CCDC73: variants seen among roughly 807,000 people sequenced by gnomAD.
CCDC73 encodes the protein coiled-coil domain containing 73, also known as coiled-coil domain-containing protein 73.
Under a neutral mutation model 116.5 loss-of-function variants are expected in CCDC73, and 95 were observed. The ratio of observed to expected loss-of-function variants is 0.82; its 90% CI spans 0.69 to 0.97. The LOEUF (loss-of-function observed/expected upper bound fraction) is 0.97, where lower values mean the gene tolerates loss of function less well. Among genes scored for constraint, CCDC73 ranks in the 50% least tolerant of loss-of-function variants. CCDC73 has a pLI of 0.00. For missense variants in CCDC73, 1,066 were observed against 1,206.8 expected, an observed-to-expected ratio of 0.88 and a Z score of 1.73; for synonymous variants, 398 against 401.3, an observed-to-expected ratio of 0.99 and a Z score of 0.10.
intron 2 of CCDC73, among the ~76,000 whole-genome samples, chr11:32,753,230 T>C (rs1440236762): frequency 1.3e-5 from 2 of 152,118 alleles, no homozygotes; most frequent in East Asian, 3.8e-4. Flanking sequence ...AATATAAGAA[T>C]TGTTTCTTAT....
chr11:32,798,716 A>G (rs971491092), upstream of CCDC73, among the ~76,000 whole-genome samples: 3 of 152,256 alleles, frequency 2.0e-5, no homozygotes, highest in African/African-American at 7.2e-5. Context: ...CTAATCAGGC[A>G]TCTAACTCCA....
At chr11:32,679,985 T>C (rs1480977353) in intron 7 of CCDC73, 1 of 152,234 alleles carries the variant, frequency 6.6e-6, no homozygotes, top group African/African-American at 2.4e-5. Flanking sequence ...GACATAATTC[T>C]GATTTTCAAA....
At chr11:32,784,003 G>A (rs972618506) in intron 1 of CCDC73, among the ~76,000 whole-genome samples, 2 of 152,158 alleles carry the variant, frequency 1.3e-5, no homozygotes, top group Non-Finnish European at 2.9e-5. Context: ...GTAACTGAGA[G>A]AAGTCTGGGG....
At chr11:32,732,611 C>T (rs1009446653) in intron 2 of CCDC73, among the ~76,000 whole-genome samples, 1 of 152,238 alleles carries the variant, frequency 6.6e-6, no homozygotes, top group Admixed American at 6.5e-5. Context: ...GGGGGCCAAT[C>T]TTCAACATTC....
chr11:32,805,317 A>G, the CCDC73 span, among the ~76,000 whole-genome samples: 1 of 152,230 alleles, frequency 6.6e-6, no homozygotes, highest in East Asian at 1.9e-4. Context: ...TTCATAAACA[A>G]GTTATACCAT....
At chr11:32,655,785 ACT>A (rs1308571997) in intron 9 of CCDC73, among the ~76,000 whole-genome samples, 2 of 152,188 alleles carry the variant, frequency 1.3e-5, no homozygotes, top group Non-Finnish European at 2.9e-5. Flanking sequence ...TAGAAAAATA[ACT>A]CTGGCAGTGT....
chr11:32,647,964 C>A (rs905377991), intron 12 of CCDC73, among the ~76,000 whole-genome samples: 14 of 152,178 alleles, frequency 9.2e-5, no homozygotes, highest in Admixed American at 4.6e-4. Context: ...AACCAGCCCC[C>A]ACTGGCAAAA....
intron 1 of CCDC73, among the ~76,000 whole-genome samples, chr11:32,788,695 G>C (rs1450038350): frequency 1.3e-5 from 2 of 151,358 alleles, no homozygotes; most frequent in African/African-American, 4.9e-5. Flanking sequence ...GGCTAGTCTG[G>C]GCTCAAGCGG....
At chr11:32,780,403 T>G (rs930459754) in intron 1 of CCDC73, among the ~76,000 whole-genome samples, 2 of 152,218 alleles carry the variant, frequency 1.3e-5, no homozygotes, top group East Asian at 3.9e-4. Context: ...TTCAAATAGT[T>G]CTGGTAGACA....
intron 12 of CCDC73, among the ~76,000 whole-genome samples, chr11:32,648,554 CTTT>C (rs1236494179): frequency 6.9e-6 from 1 of 144,564 alleles, no homozygotes. Context: ...AGTTTATACT[CTTT>C]TTTTTTTTTT....
chr11:32,699,353 CT>C, intron 5 of CCDC73, 28 bp from the exon 6 acceptor site: 1 of 1,513,454 alleles, frequency 6.6e-7, no homozygotes, highest in Non-Finnish European at 8.9e-7. Flanking sequence ...TATTTCAATA[CT>C]TTCCAATGTA....
At chr11:32,731,560 C>T (rs918455450) in intron 2 of CCDC73, among the ~76,000 whole-genome samples, 1 of 152,180 alleles carries the variant, frequency 6.6e-6, no homozygotes, top group African/African-American at 2.4e-5. Context: ...CCCTCTGAGA[C>T]GAAGCTTCCA....
At chr11:32,623,758 G>C (rs1855543853) in intron 14 of CCDC73, among the ~76,000 whole-genome samples, 1 of 152,120 alleles carries the variant, frequency 6.6e-6, no homozygotes. Flanking sequence ...ACTTTACTTA[G>C]GGTATTTGGA....
intron 1 of CCDC73, among the ~76,000 whole-genome samples, chr11:32,786,667 A>G (rs1850632472): frequency 6.6e-6 from 1 of 151,448 alleles, no homozygotes; most frequent in African/African-American, 2.4e-5. Flanking sequence ...ATAAAAATCT[A>G]TATTTTTCAC....
At chr11:32,667,153 A>T (rs1855992045) in intron 9 of CCDC73, among the ~76,000 whole-genome samples, 2 of 152,278 alleles carry the variant, frequency 1.3e-5, no homozygotes, top group African/African-American at 4.8e-5. Context: ...TCAGATCTCA[A>T]ACTCCGTGCT....
chr11:32,610,524 T>G (rs1304252839), intron 17 of CCDC73, among the ~76,000 whole-genome samples: 1 of 152,268 alleles, frequency 6.6e-6, no homozygotes, highest in Admixed American at 6.5e-5. Flanking sequence ...ACCTTTTTCT[T>G]GCTTAAAGTT....
chr11:32,646,028 T>C (rs934342159), intron 12 of CCDC73, among the ~76,000 whole-genome samples: 1 of 152,170 alleles, frequency 6.6e-6, no homozygotes, highest in Non-Finnish European at 1.5e-5. Flanking sequence ...GATAAACAAA[T>C]AAAACTTTAG....
At chr11:32,645,403 G>C (rs902024934) in intron 12 of CCDC73, among the ~76,000 whole-genome samples, 1 of 148,658 alleles carries the variant, frequency 6.7e-6, no homozygotes, top group African/African-American at 2.5e-5. Context: ...GCGATTCTCC[G>C]GCCTCAGCCC....
intron 6 of CCDC73, among the ~76,000 whole-genome samples, chr11:32,688,058 T>C (rs1474850237): frequency 6.6e-6 from 1 of 152,118 alleles, no homozygotes; most frequent in African/African-American, 2.4e-5. Context: ...TATAAATAAA[T>C]ATATTAAAAG....
Sources: gnomAD v4.1 joint callset for allele counts (sites outside exome capture counted in the v4.1 genomes callset) on GRCh38, gnomAD v4.1.1 for gene constraint, MANE v1.5 for transcripts, NCBI Gene and HGNC (gene_info 2026-07-23, HGNC 2026-07-21) for gene names.